The following MPP7 variants were observed in gnomAD, a reference collection of about 807,000 sequenced individuals.
MPP7 encodes MAGUK p55 subfamily member 7.
Under a neutral mutation model 76.5 loss-of-function variants are expected in MPP7, and 60 were observed. The ratio of observed to expected loss-of-function variants is 0.78; its 90% CI spans 0.64 to 0.97. The LOEUF (loss-of-function observed/expected upper bound fraction) is 0.97, where lower values mean the gene tolerates loss of function less well. MPP7 is among the 50% of genes least tolerant of loss of function. MPP7 has a pLI of 0.00. For missense variants in MPP7, 641 were observed against 694.0 expected, an observed-to-expected ratio of 0.92 and a Z score of 0.86; for synonymous variants, 237 against 244.5, an observed-to-expected ratio of 0.97 and a Z score of 0.29.
chr10:28,299,636 C>T (rs543460181), intron 1 of MPP7, among the ~76,000 whole-genome samples: 65 of 152,210 alleles, frequency 4.3e-4, no homozygotes, highest in African/African-American at 1.3e-3. Context: ...GGGTTGCCAA[C>T]GAACCTTCAG....
chr10:28,261,993 T>C (rs963449165), intron 1 of MPP7, among the ~76,000 whole-genome samples: 1 of 149,850 alleles, frequency 6.7e-6, no homozygotes, highest in East Asian at 2.0e-4. Context: ...CTACTAAAAA[T>C]ACAAAAAATT....
At chr10:28,208,617 A>T (rs1246783950) in intron 2 of MPP7, among the ~76,000 whole-genome samples, 1 of 152,188 alleles carries the variant, frequency 6.6e-6, no homozygotes, top group Admixed American at 6.5e-5. Context: ...CACAAGAATA[A>T]GGAAGAGATG....
upstream of MPP7, among the ~76,000 whole-genome samples, chr10:28,306,176 T>A (rs1443424276): frequency 6.6e-5 from 10 of 152,122 alleles, no homozygotes. Context: ...CACCAGACAT[T>A]AGGAAATGTC....
rs1323225531 is a variant in MPP7, at chr10:28,053,406, T to C, written c.*659A>G. 1 of 152,202 alleles carries C rather than the reference T, an allele frequency of 6.6e-6. No homozygotes were observed. The highest frequency in any genetic ancestry group is 2.4e-5 in the African/African-American group (1 of 41,460). The allele number at this position is 152,202 out of a possible 1,614,324, so 9.4% of individuals were successfully genotyped here. On this transcript the variant is annotated 3_prime_UTR_variant, in exon 17 of 17. Transcript: ENST00000683449. ...ACTGTTAAAAGTCTACTTTCCCTTA[T>C]TAAATGTTGTTGAGTCACTGACAGG...
At chr10:28,143,156 G>C (rs1296526900) in intron 5 of MPP7, among the ~76,000 whole-genome samples, 1 of 152,016 alleles carries the variant, frequency 6.6e-6, no homozygotes, top group Non-Finnish European at 1.5e-5. Context: ...GAATATACTG[G>C]GAAAAAACAT....
chr10:28,153,865 CA>C (rs1564662439), intron 3 of MPP7, among the ~76,000 whole-genome samples: 1 of 152,020 alleles, frequency 6.6e-6, no homozygotes, highest in Non-Finnish European at 1.5e-5. Flanking sequence ...ATTATGAGTA[CA>C]AAAAAGTACT....
In MPP7 at chr10:28,052,938, C is replaced by T. The variant is rs1440072851; in HGVS notation, c.*1127G>A. On this transcript the variant is annotated 3_prime_UTR_variant, in exon 17 of 17. Coordinates refer to ENST00000683449, the MANE Select transcript of MPP7 (RefSeq NM_001318170.2). ...TTCACTTGCTGAAAATCAGTAGTAT[C>T]AAAGAAAAGTGAGAGAACCCATCTA... is the stretch of plus-strand genomic sequence containing the variant. 1 of 152,028 alleles carries T rather than the reference C, an allele frequency of 6.6e-6. No individual in the cohort carries two copies. The highest frequency in any genetic ancestry group is 2.4e-5 in the African/African-American group (1 of 41,398). 9.4% of individuals were successfully genotyped at this position (152,028 alleles called of 1,614,324 possible).
At chr10:28,136,071 T>G (rs1835344767) in intron 5 of MPP7, among the ~76,000 whole-genome samples, 2 of 151,862 alleles carry the variant, frequency 1.3e-5, no homozygotes, top group African/African-American at 4.8e-5. Context: ...GTGAACTGAG[T>G]ATGCGAGGAT....
chr10:28,099,748 G>T (rs907947617), intron 11 of MPP7, among the ~76,000 whole-genome samples: 9 of 152,112 alleles, frequency 5.9e-5, no homozygotes, highest in Admixed American at 1.3e-4. Context: ...CAGAGGTTGT[G>T]GTGAGCCAAG....
chr10:28,316,705 A>C (rs1424901341), intron 2 of MPP7, among the ~76,000 whole-genome samples: 1 of 152,198 alleles, frequency 6.6e-6, no homozygotes, highest in Non-Finnish European at 1.5e-5. Flanking sequence ...AGTTGTATGT[A>C]GACATGCATA....
At chr10:28,056,736 T>G in intron 15 of MPP7, 113 bp from the exon 16 acceptor site, 1 of 807,852 alleles carries the variant, frequency 1.2e-6, no homozygotes, top group South Asian at 2.2e-5. Context: ...AGTAGTCATT[T>G]CAATATATTA....
rs113634758 is a variant in MPP7, at chr10:28,099,108, C to T, written c.953-9267G>A. On this transcript the variant is annotated intron_variant, in intron 11 of 16. Coordinates refer to ENST00000683449, the MANE Select transcript of MPP7 (RefSeq NM_001318170.2). ...AATAAAATATTGACCTTTAAGATGG[C>T]ATTTTATTAAAAATACATGATCATT... Among the ~76,000 whole-genome samples the T allele has an allele frequency of 7.5e-3, 1,139 of 152,126 alleles. 12 individuals are homozygous for T. Among genetic ancestry groups the T allele is most frequent in the South Asian group, 0.027 (129 of 4,822 alleles).
chr10:28,195,314 C>T (rs1323735973), intron 3 of MPP7, among the ~76,000 whole-genome samples: 1 of 152,134 alleles, frequency 6.6e-6, no homozygotes, highest in Non-Finnish European at 1.5e-5. Flanking sequence ...ATGGTTCAGC[C>T]ACTTAGAAAA....
chr10:28,123,462 C>CTTTTTTT (rs200098933), intron 8 of MPP7, among the ~76,000 whole-genome samples: 1 of 92,504 alleles, frequency 1.1e-5, no homozygotes, highest in Non-Finnish European at 2.1e-5. Flanking sequence ...GTACTAAATT[C>CTTTTTTT]TTTTTTTTTT....
chr10:28,304,214 C>T (rs1016888982), upstream of MPP7, among the ~76,000 whole-genome samples: 3 of 152,164 alleles, frequency 2.0e-5, no homozygotes, highest in African/African-American at 7.2e-5. Flanking sequence ...GAACTGGTGT[C>T]AGCCTAGAAG....
chr10:28,269,987 C>G (rs1028376675), intron 1 of MPP7, among the ~76,000 whole-genome samples: 1 of 152,190 alleles, frequency 6.6e-6, no homozygotes, highest in Non-Finnish European at 1.5e-5. Flanking sequence ...TTTACTGGTT[C>G]TCTTAAAAAC....
chr10:28,309,084 A>T lies in MPP7; in HGVS notation c.-132+20845T>A, dbSNP rs1841274833. 2.0e-5 allele frequency among the ~76,000 whole-genome samples: 3 copies of T among 152,322 alleles called. No individual in the cohort carries two copies. The South Asian group carries it at 6.2e-4, about 32-fold the overall frequency. Reference sequence around the variant, plus strand: ...CAGTTCAGAGATGTGGGGACCCAGCATTCCACATTTAACTTTATGGTCTCC... The same window carrying T: ...CAGTTCAGAGATGTGGGGACCCAGCTTTCCACATTTAACTTTATGGTCTCC... On this transcript the variant is annotated intron_variant, in intron 2 of 11. Coordinates refer to the MPP7 transcript ENST00000441595.
chr10:28,323,061 C>T (rs1249352), intron 2 of MPP7, among the ~76,000 whole-genome samples: 16,662 of 151,980 alleles, frequency 0.11, 1,263 homozygotes, highest in African/African-American at 0.21. Context: ...CCAAGGCAGG[C>T]GGATCACAAG....
At chr10:28,171,468 G>T (rs1322754311) in intron 3 of MPP7, among the ~76,000 whole-genome samples, 1 of 152,114 alleles carries the variant, frequency 6.6e-6, no homozygotes, top group African/African-American at 2.4e-5. Flanking sequence ...GCCAATATGG[G>T]AGGGAGGCCA....
Sources: allele counts gnomAD v4.1 joint callset (sites outside exome capture counted in the v4.1 genomes callset), GRCh38; gene constraint gnomAD v4.1.1; transcripts MANE v1.5; gene names NCBI Gene and HGNC (gene_info 2026-07-23, HGNC 2026-07-21).